The following DRGX variants were observed in gnomAD, a reference collection of about 807,000 sequenced individuals.
DRGX encodes the protein dorsal root ganglia homeobox, also known as dorsal root ganglia homeobox protein.
A neutral mutation model predicts 28.6 loss-of-function variants in DRGX; 21 were observed. The observed-to-expected ratio is 0.73, with a 90% CI of 0.52 to 1.06. The LOEUF (loss-of-function observed/expected upper bound fraction) is 1.06. DRGX is among the 50% of genes least tolerant of loss of function. The pLI is 0.00. For missense variants in DRGX, 354 were observed against 343.9 expected (o/e 1.03, Z -0.23); for synonymous variants, 136 against 139.1 (o/e 0.98, Z 0.16).
chr10:49,394,935 C>A (rs1266084969), intron 2 of DRGX, among the ~76,000 whole-genome samples: 8 of 152,246 alleles, frequency 5.3e-5, no homozygotes, highest in African/African-American at 1.4e-4. Context: ...GAGGCCCCTG[C>A]AGTGTTCTCG....
At chr10:49,375,998 C>T (rs1590363490) in intron 6 of DRGX, among the ~76,000 whole-genome samples, 1 of 152,254 alleles carries the variant, frequency 6.6e-6, no homozygotes, top group Non-Finnish European at 1.5e-5. Context: ...GAAATGGCTT[C>T]TGCAGAGTGA....
chr10:49,393,653 G>A (rs375866017), intron 2 of DRGX, among the ~76,000 whole-genome samples: 171 of 152,256 alleles, frequency 1.1e-3, no homozygotes, highest in African/African-American at 3.8e-3. Flanking sequence ...TTCCATTTGC[G>A]GGAGATCCCT....
chr10:49,395,002 G>A (rs1428604440), intron 2 of DRGX, among the ~76,000 whole-genome samples: 1 of 152,252 alleles, frequency 6.6e-6, no homozygotes, highest in African/African-American at 2.4e-5. Flanking sequence ...CGTGCAGCTC[G>A]TGATCTGGGC....
intron 2 of DRGX, among the ~76,000 whole-genome samples, chr10:49,394,972 G>A (rs1268785043): frequency 6.6e-6 from 1 of 152,252 alleles, no homozygotes; most frequent in Non-Finnish European, 1.5e-5. Context: ...GAGCAGCCCA[G>A]CGACGGGCCC....
At chr10:49,391,717 AT>A (rs1205702062) in intron 2 of DRGX, 1 of 460,686 alleles carries the variant, frequency 2.2e-6, no homozygotes, top group African/African-American at 2.0e-5. Flanking sequence ...AAGAATTAAA[AT>A]CTGGGGGTTA....
chr10:49,372,811 A>G (rs1006438070), intron 6 of DRGX, among the ~76,000 whole-genome samples: 1 of 152,198 alleles, frequency 6.6e-6, no homozygotes. Flanking sequence ...ACTTTTTCAC[A>G]GCTGTATTTT....
rs763382979 is a variant in DRGX, at chr10:49,390,174, C to G, written c.193G>C (p.Glu65Gln). 2.5e-6 allele frequency: 4 copies of G among 1,613,068 alleles called. No homozygotes were observed. Among genetic ancestry groups the G allele is most frequent in the African/African-American group, 2.7e-5 (2 of 74,898 alleles). The stretch of plus-strand genomic sequence containing the variant: ...GTGAGGTTTATTTTCATGGCGAGCT[C>G]TTCTCTGGTGAAGACATCTGGATAG... ...THYPDVFTRE[E>Q]LAMKINLTEA... The change falls in exon 4 of 7, where the codon GAG becomes CAG. Residue 65 changes from glutamate (E) to glutamine (Q), a missense_variant. Physicochemically the swap from Glu to Gln is conservative, Grantham distance 29. Coordinates refer to ENST00000374139, the MANE Select transcript of DRGX (RefSeq NM_001276451.2).
intron 6 of DRGX, among the ~76,000 whole-genome samples, chr10:49,375,245 C>T (rs1849704275): frequency 6.6e-6 from 1 of 152,118 alleles, no homozygotes; most frequent in African/African-American, 2.4e-5. Flanking sequence ...TTGTACACAC[C>T]TCACCTCCCA....
chr10:49,393,339 A>G (rs1849930497), intron 2 of DRGX, among the ~76,000 whole-genome samples: 1 of 152,274 alleles, frequency 6.6e-6, no homozygotes, highest in East Asian at 1.9e-4. Flanking sequence ...TTTTAAAAAT[A>G]CATAAATGAG....
intron 6 of DRGX, among the ~76,000 whole-genome samples, chr10:49,378,090 A>G (rs1272395611): frequency 2.6e-5 from 4 of 152,190 alleles, no homozygotes; most frequent in Non-Finnish European, 4.4e-5. Flanking sequence ...TCATCCTACT[A>G]GTATATTGAG....
chr10:49,381,250 G>A (rs1490799512), intron 6 of DRGX, among the ~76,000 whole-genome samples: 3 of 152,234 alleles, frequency 2.0e-5, no homozygotes, highest in Admixed American at 6.5e-5. Flanking sequence ...GGGGCAGCCC[G>A]AGGGCCATCC....
intron 6 of DRGX, among the ~76,000 whole-genome samples, chr10:49,381,253 G>A (rs767778607): frequency 6.6e-6 from 1 of 152,214 alleles, no homozygotes; most frequent in Non-Finnish European, 1.5e-5. Context: ...GCAGCCCGAG[G>A]GCCATCCAGG....
intron 6 of DRGX, among the ~76,000 whole-genome samples, chr10:49,381,153 C>G (rs1010733230): frequency 6.6e-6 from 1 of 152,224 alleles, no homozygotes; most frequent in South Asian, 2.1e-4. Flanking sequence ...AGAAAATCCC[C>G]GCAAGAGCCT....
At chr10:49,372,089 C>T (rs1849665223) in intron 6 of DRGX, among the ~76,000 whole-genome samples, 1 of 152,148 alleles carries the variant, frequency 6.6e-6, no homozygotes, top group South Asian at 2.1e-4. Context: ...CCCAGGATGG[C>T]CCAAAGCCAT....
rs78275065 is a variant in DRGX at position 49,365,890 on chromosome 10, G to A, written c.*226C>T. The A allele has an allele frequency of 0.011, 4,401 of 412,606 alleles. 60 individuals carry two copies. The highest frequency in any genetic ancestry group is 0.051 in the East Asian group (1,378 of 26,944). 25.6% of individuals were successfully genotyped at this position (412,606 alleles called of 1,614,324 possible). ...GGCTCTGCTGCCACCAAGTGCCATC[G>A]GGATCTGTTGCCAAAGAAGCCAGGA... On this transcript the variant is annotated 3_prime_UTR_variant, in exon 7 of 7. Coordinates refer to ENST00000374139, the MANE Select transcript of DRGX (RefSeq NM_001276451.2).
intron 3 of DRGX, among the ~76,000 whole-genome samples, chr10:49,390,476 G>A (rs1191189672): frequency 6.6e-6 from 1 of 152,178 alleles, no homozygotes; most frequent in Non-Finnish European, 1.5e-5. Context: ...AATAAGAGAG[G>A]TGTGAATATT....
Position 49,366,163 on chromosome 10 carries a change from T to C in DRGX, c.745A>G (p.Lys249Glu), listed in dbSNP as rs758654754. The C allele has an allele frequency of 6.2e-7, 1 of 1,611,712 alleles. No homozygotes were observed. The highest frequency in any genetic ancestry group is 8.5e-7 in the Non-Finnish European group (1 of 1,178,626). The part of the protein sequence containing the change: ...KPAPPDGSQE[K>E]TSPTKEQSEA... The stretch of plus-strand genomic sequence containing the variant: ...CTCTGTTCCTTGGTGGGAGAGGTCT[T>C]TTCCTGGCTGCCATCTGGGGGCGCC... Residue 249 changes from lysine (K) to glutamate (E), a missense_variant, in exon 7 of 7, where the codon AAG becomes GAG. Lys to Glu is a moderately conservative substitution (Grantham distance 56, BLOSUM62 1). Coordinates refer to ENST00000374139, the MANE Select transcript of DRGX (RefSeq NM_001276451.2).
At chr10:49,368,129 T>G (rs117850877) in intron 6 of DRGX, among the ~76,000 whole-genome samples, 15 of 152,334 alleles carry the variant, frequency 9.8e-5, no homozygotes, top group Non-Finnish European at 2.1e-4. Context: ...TACCACCCGC[T>G]GCTCCTCTCA....
rs776683385 is a variant in DRGX at position 49,391,251 on chromosome 10, G to T, written c.45C>A (p.Thr15=). 1 of 1,610,192 alleles carries T rather than the reference G, an allele frequency of 6.2e-7. No homozygotes were observed. Among genetic ancestry groups the T allele is most frequent in the South Asian group, 1.1e-5 (1 of 90,068 alleles). Residue 15 remains threonine, a synonymous_variant, in exon 3 of 7, where the codon ACC becomes ACA. Transcript: ENST00000374139. The part of the protein sequence containing the change: ...HCPPQLEGTA[T]FGNHSSGDFD... Reference sequence around the variant, plus strand: ...AATCCCCCGAAGAGTGATTGCCAAAGGTTGCAGTGCCTACCAAGAGCAAAC... The same window carrying T: ...AATCCCCCGAAGAGTGATTGCCAAATGTTGCAGTGCCTACCAAGAGCAAAC...
Sources: gnomAD v4.1 joint callset for allele counts (sites outside exome capture counted in the v4.1 genomes callset) on GRCh38, gnomAD v4.1.1 for gene constraint, MANE v1.5 for transcripts, NCBI Gene and HGNC (gene_info 2026-07-23, HGNC 2026-07-21) for gene names.